CDH2: variants seen among roughly 807,000 people sequenced by gnomAD.
CDH2 encodes the protein cadherin-2.
A neutral mutation model predicts 92.0 loss-of-function variants in CDH2; 17 were observed. The ratio of observed to expected loss-of-function variants is 0.18; its 90% confidence interval spans 0.13 to 0.28. The LOEUF (loss-of-function observed/expected upper bound fraction) is 0.28, where lower values mean the gene tolerates loss of function less well. Ranked by LOEUF, CDH2 falls within the 10% of genes least tolerant of loss-of-function variation. The pLI, the probability that CDH2 is intolerant of heterozygous loss-of-function variation, is 1.00. For synonymous variants in CDH2, 419 were observed against 415.9 expected (o/e 1.01, Z -0.09); for missense variants, 862 against 1,133.1 (o/e 0.76, Z 3.44).
At chr18:28,081,771 A>G (rs1346567213) in intron 2 of CDH2, among the ~76,000 whole-genome samples, 3 of 152,214 alleles carry the variant, frequency 2.0e-5, no homozygotes, top group African/African-American at 7.2e-5. Context: ...TAAGTTGACA[A>G]TGGTTTAACG....
chr18:27,959,082 G>C (rs1203142943), intron 15 of CDH2, among the ~76,000 whole-genome samples: 1 of 152,072 alleles, frequency 6.6e-6, no homozygotes, highest in Non-Finnish European at 1.5e-5. Flanking sequence ...TTTTTACAAA[G>C]AAATACACAG....
At chr18:28,138,202 C>A (rs1175258028) in intron 2 of CDH2, among the ~76,000 whole-genome samples, 1 of 151,824 alleles carries the variant, frequency 6.6e-6, no homozygotes, top group East Asian at 1.9e-4. Context: ...TCAGTGGGGT[C>A]TCCAGATAAC....
intron 14 of CDH2, among the ~76,000 whole-genome samples, chr18:27,981,732 A>C (rs544569239): frequency 6.6e-6 from 1 of 152,336 alleles, no homozygotes; most frequent in African/African-American, 2.4e-5. Flanking sequence ...AAATATGTTC[A>C]TGAAAATTTG....
At chr18:27,978,801 A>C (rs939629923) in intron 14 of CDH2, among the ~76,000 whole-genome samples, 5 of 151,930 alleles carry the variant, frequency 3.3e-5, no homozygotes, top group Admixed American at 2.0e-4. Context: ...TATAGGTATG[A>C]GCTACCATGC....
intron 2 of CDH2, among the ~76,000 whole-genome samples, chr18:28,070,511 A>G (rs1312293530): frequency 2.0e-5 from 3 of 152,158 alleles, no homozygotes; most frequent in East Asian, 3.9e-4. Flanking sequence ...ACCAACACAA[A>G]AAGGAGACAG....
Position 27,985,431 on chromosome 18 carries a change from T to C in CDH2, c.1975+97A>G, listed in dbSNP as rs190784662. The stretch of plus-strand genomic sequence containing the variant: ...CTTTAAGTAGCTTTTAAAATATGTA[T>C]AATGAGAAGATTATGAAGCACATAA... On this transcript the variant is annotated intron_variant, in intron 12 of 15. Transcript: ENST00000269141. 2.4e-4 allele frequency: 213 copies of C among 905,410 alleles called. No homozygotes were observed. The African/African-American group carries it at 3.1e-3, about 13-fold the overall frequency. 56.1% of individuals were successfully genotyped at this position (905,410 alleles called of 1,614,324 possible). A position where few individuals can be genotyped will look rare whatever the true frequency, so the allele number is the denominator to read the frequency against.
At chr18:28,026,330 T>C (rs1424461342) in intron 2 of CDH2, among the ~76,000 whole-genome samples, 1 of 152,180 alleles carries the variant, frequency 6.6e-6, no homozygotes, top group Non-Finnish European at 1.5e-5. Flanking sequence ...ATTACCAAAC[T>C]TTCCTTCTAG....
intron 5 of CDH2, 117 bp from the exon 6 acceptor site, chr18:28,006,110 G>A (rs781095960): frequency 4.0e-5 from 31 of 771,550 alleles, no homozygotes; most frequent in Admixed American, 8.1e-5. Flanking sequence ...AAACAAAAGC[G>A]GTTCTTCCCA....
intron 2 of CDH2, chr18:28,036,525 C>T: frequency 1.9e-6 from 3 of 1,607,172 alleles, no homozygotes; most frequent in Admixed American, 1.7e-5. Flanking sequence ...TGAAGATACA[C>T]ACATAACGCC....
intron 2 of CDH2, among the ~76,000 whole-genome samples, chr18:28,145,044 T>C (rs2016014016): frequency 6.6e-6 from 1 of 152,104 alleles, no homozygotes; most frequent in African/African-American, 2.4e-5. Flanking sequence ...ACATTCAATG[T>C]TCCTCAAGCA....
intron 2 of CDH2, among the ~76,000 whole-genome samples, chr18:28,121,568 C>A (rs896550955): frequency 2.6e-5 from 4 of 152,146 alleles, no homozygotes; most frequent in Non-Finnish European, 5.9e-5. Context: ...CAAAGCTAGA[C>A]CCAATCTCCA....
intron 6 of CDH2, among the ~76,000 whole-genome samples, chr18:27,944,817 G>A (rs1201737096): frequency 6.6e-6 from 1 of 151,290 alleles, no homozygotes; most frequent in African/African-American, 2.4e-5. Context: ...GGAGCCTGAG[G>A]TATGAGGATG....
At chr18:27,968,506 T>C (rs2011583137) in intron 14 of CDH2, among the ~76,000 whole-genome samples, 1 of 152,046 alleles carries the variant, frequency 6.6e-6, no homozygotes, top group African/African-American at 2.4e-5. Flanking sequence ...CTGTGCACAG[T>C]TGGTTAAAAT....
intron 9 of CDH2, 67 bp downstream of exon 9, chr18:27,992,588 G>A (rs767715400): frequency 3.1e-6 from 4 of 1,308,944 alleles, no homozygotes; most frequent in Non-Finnish European, 4.3e-6. Flanking sequence ...AAAACAATGA[G>A]TGGGGGACAT....
intron 1 of CDH2, among the ~76,000 whole-genome samples, chr18:28,162,178 T>C (rs955957526): frequency 1.3e-5 from 2 of 152,164 alleles, no homozygotes; most frequent in Admixed American, 6.5e-5. Context: ...AAAGTCTCAA[T>C]CTTACTGAAT....
rs117298318 is a variant in CDH2 at position 28,058,733 on chromosome 18, C to T, written c.173-44824G>A. Among the ~76,000 whole-genome samples, 1,104 of 152,128 alleles carry T rather than the reference C, an allele frequency of 7.3e-3. 8 individuals are homozygous for T. The highest frequency in any genetic ancestry group is 0.02 in the Middle Eastern group (6 of 294). On this transcript the variant is annotated intron_variant, in intron 2 of 15. Coordinates refer to ENST00000269141, the MANE Select transcript of CDH2 (RefSeq NM_001792.5). The stretch of plus-strand genomic sequence containing the variant: ...GTTAATATTAGCAACATCCCTAATC[C>T]GACTGTTTATTTAAATTTTCTTAGT...
rs1371255423 is a variant in CDH2, at chr18:27,985,155, G to A, written c.2054C>T (p.Ser685Leu). The A allele has an allele frequency of 1.9e-6, 3 of 1,612,862 alleles. No homozygotes were observed. The highest frequency in any genetic ancestry group is 2.5e-6 in the Non-Finnish European group (3 of 1,178,932). The change falls in exon 13 of 16, where the codon TCG becomes TTG. Residue 685 changes from serine to leucine, a missense_variant. By Grantham distance (145) the Ser-to-Leu change is moderately radical. Coordinates refer to ENST00000269141, the MANE Select transcript of CDH2 (RefSeq NM_001792.5). ...AATATTTGATTTGGGAGGATTACCCGAATCTGTGATTATGATGGGAACTTC... is the reference window on the plus strand; with the variant it reads ...AATATTTGATTTGGGAGGATTACCCAAATCTGTGATTATGATGGGAACTTC... ...IYEVPIIITD[S>L]GNPPKSNISI... is the part of the protein sequence containing the mutation.
At chr18:28,174,088 A>T (rs17495404) in intron 1 of CDH2, among the ~76,000 whole-genome samples, 2,568 of 152,282 alleles carry the variant, frequency 0.017, 76 homozygotes, top group African/African-American at 0.059. Context: ...TCTAAGTAAA[A>T]TAAGGTACAC....
intron 2 of CDH2, among the ~76,000 whole-genome samples, chr18:28,102,825 T>A (rs1358833903): frequency 6.6e-6 from 1 of 151,664 alleles, no homozygotes; most frequent in African/African-American, 2.4e-5. Context: ...GAAGAAAATA[T>A]AAAGCATAAA....
Sources: allele counts gnomAD v4.1 joint callset (sites outside exome capture counted in the v4.1 genomes callset), GRCh38; gene constraint gnomAD v4.1.1; transcripts MANE v1.5; gene names NCBI Gene and HGNC (gene_info 2026-07-23, HGNC 2026-07-21).